Variants in ADGRL2 observed in about 807,000 individuals in gnomAD.
ADGRL2 encodes calcium-independent alpha-latrotoxin receptor 2.
Under a neutral mutation model 157.4 loss-of-function variants are expected in ADGRL2, and 44 were observed. That is an observed-to-expected ratio of 0.28 (90% CI 0.22 to 0.36). The LOEUF is 0.36. Ranked by LOEUF, ADGRL2 falls within the 10% of genes least tolerant of loss-of-function variation. The pLI, the probability that ADGRL2 is intolerant of heterozygous loss-of-function variation, is 1.00. For synonymous variants in ADGRL2, 585 were observed against 624.7 expected, an observed-to-expected ratio of 0.94 and a Z score of 0.95; for missense variants, 1,510 against 1,768.9, an observed-to-expected ratio of 0.85 and a Z score of 2.63.
At chr1:81,929,336 A>G (rs948903349) in intron 3 of ADGRL2, among the ~76,000 whole-genome samples, 6 of 152,148 alleles carry the variant, frequency 3.9e-5, no homozygotes, top group Admixed American at 1.3e-4. Context: ...GGTGACGGGG[A>G]ACGATGGGAC....
chr1:81,612,856 A>G (rs1413745753), intron 3 of ADGRL2, among the ~76,000 whole-genome samples: 1 of 152,178 alleles, frequency 6.6e-6, no homozygotes, highest in African/African-American at 2.4e-5. Flanking sequence ...TCAAAATCAC[A>G]ATGAGCTATC....
chr1:81,492,539 A>G (rs896076116), intron 2 of ADGRL2, among the ~76,000 whole-genome samples: 15 of 152,160 alleles, frequency 9.9e-5, no homozygotes, highest in African/African-American at 3.6e-4. Flanking sequence ...AGTATGCATA[A>G]ATTAGAAATA....
chr1:81,926,594 T>C (rs2095112743), intron 3 of ADGRL2, among the ~76,000 whole-genome samples: 1 of 152,038 alleles, frequency 6.6e-6, no homozygotes, highest in South Asian at 2.1e-4. Flanking sequence ...ATACAGGTTG[T>C]AATATTTTTT....
At chr1:81,554,045 C>T (rs558254583) in intron 2 of ADGRL2, among the ~76,000 whole-genome samples, 3 of 152,288 alleles carry the variant, frequency 2.0e-5, no homozygotes, top group African/African-American at 7.2e-5. Context: ...CAGATTCCTC[C>T]TGCCTTCTAA....
At chr1:81,563,952 G>A (rs1338993293) in intron 2 of ADGRL2, among the ~76,000 whole-genome samples, 1 of 152,114 alleles carries the variant, frequency 6.6e-6, no homozygotes, top group Admixed American at 6.5e-5. Flanking sequence ...ACTCTATAAG[G>A]TAGTTTAGTG....
At chr1:81,844,226 A>G (rs1378445011) in intron 2 of ADGRL2, among the ~76,000 whole-genome samples, 1 of 152,140 alleles carries the variant, frequency 6.6e-6, no homozygotes, top group Non-Finnish European at 1.5e-5. Context: ...GCATTTACAC[A>G]GTTATTTTTA....
At chr1:81,687,701 TG>T (rs1393192276) in intron 3 of ADGRL2, among the ~76,000 whole-genome samples, 1 of 152,118 alleles carries the variant, frequency 6.6e-6, no homozygotes. Flanking sequence ...CTGTGTACTT[TG>T]TTTTTTTGTT....
At chr1:81,826,119 A>G (rs1170845560) in intron 1 of ADGRL2, among the ~76,000 whole-genome samples, 2 of 152,172 alleles carry the variant, frequency 1.3e-5, no homozygotes, top group Non-Finnish European at 2.9e-5. Flanking sequence ...TTTCAAAACT[A>G]TTGGAGACTA....
chr1:81,429,829 A>G (rs951049799), intron 1 of ADGRL2, among the ~76,000 whole-genome samples: 1 of 152,212 alleles, frequency 6.6e-6, no homozygotes, highest in Non-Finnish European at 1.5e-5. Flanking sequence ...TGAAGAAAAG[A>G]TGGGAAGCCC....
chr1:81,816,064 A>C (rs2090373743), intron 1 of ADGRL2, among the ~76,000 whole-genome samples: 1 of 151,814 alleles, frequency 6.6e-6, no homozygotes, highest in African/African-American at 2.4e-5. Context: ...AGCATCACTT[A>C]AGTATTTTTA....
At chr1:81,875,600 A>T (rs2093818430) in intron 2 of ADGRL2, among the ~76,000 whole-genome samples, 1 of 152,164 alleles carries the variant, frequency 6.6e-6, no homozygotes, top group African/African-American at 2.4e-5. Flanking sequence ...GTAAATTTGG[A>T]ACAACAATTA....
At chr1:81,506,757 A>AAAAC (rs1557743117) in intron 2 of ADGRL2, among the ~76,000 whole-genome samples, 4,488 of 131,672 alleles carry the variant, frequency 0.034, 133 homozygotes, top group African/African-American at 0.092. Context: ...CAAAACAAAA[A>AAAAC]ACCAGACAAT....
intron 3 of ADGRL2, among the ~76,000 whole-genome samples, chr1:81,620,107 G>A (rs562987216): frequency 3.9e-5 from 6 of 152,236 alleles, no homozygotes; most frequent in Middle Eastern, 3.4e-3. Context: ...TCTGAAAGAC[G>A]AGGGCCGGGT....
intron 2 of ADGRL2, among the ~76,000 whole-genome samples, chr1:81,539,007 CAAA>C (rs71242586): frequency 3.6e-5 from 3 of 82,520 alleles, no homozygotes; most frequent in Non-Finnish European, 4.5e-5. Flanking sequence ...GACCCTGTCT[CAAA>C]AAAAAAAAAA....
At chr1:81,890,284 T>C (rs922960144) in intron 2 of ADGRL2, among the ~76,000 whole-genome samples, 7 of 152,336 alleles carry the variant, frequency 4.6e-5, no homozygotes, top group African/African-American at 1.4e-4. Flanking sequence ...ATAGTGAATA[T>C]TTAAGACTCA....
At chr1:81,545,455 AT>A (rs1180040420) in intron 2 of ADGRL2, among the ~76,000 whole-genome samples, 1 of 151,770 alleles carries the variant, frequency 6.6e-6, no homozygotes, top group East Asian at 1.9e-4. Flanking sequence ...TAATTTTTGT[AT>A]TTTTAGTAGA....
intron 3 of ADGRL2, among the ~76,000 whole-genome samples, chr1:81,663,195 C>T (rs1248683788): frequency 1.3e-5 from 2 of 151,816 alleles, no homozygotes; most frequent in African/African-American, 4.8e-5. Flanking sequence ...ATCAAATAAC[C>T]AGTAAAGATC....
Position 81,738,999 on chromosome 1 carries a change from C to T in ADGRL2, c.-142-22812C>T, listed in dbSNP as rs187678846. On this transcript the variant is annotated intron_variant, in intron 1 of 20. Transcript: ENST00000359929. The stretch of plus-strand genomic sequence containing the variant: ...CAGGGACCAGTGGCCTAGTGCCCTC[C>T]TGATAATGCTGGGTGCTTTTGCTTT... Among the ~76,000 whole-genome samples the T allele has an allele frequency of 4.5e-3, 684 of 152,296 alleles. 9 individuals are homozygous for T. The highest frequency in any genetic ancestry group is 2.8e-3 in the Non-Finnish European group (191 of 68,024).
chr1:81,416,389 A>T (rs530015728), intron 1 of ADGRL2, among the ~76,000 whole-genome samples: 160 of 151,882 alleles, frequency 1.1e-3, no homozygotes, highest in African/African-American at 3.3e-3. Flanking sequence ...TCTACCTCTT[A>T]CATTAACAGA....
Sources: gnomAD v4.1 joint callset for allele counts (sites outside exome capture counted in the v4.1 genomes callset) on GRCh38, gnomAD v4.1.1 for gene constraint, MANE v1.5 for transcripts, NCBI Gene and HGNC (gene_info 2026-07-23, HGNC 2026-07-21) for gene names.